The following CEL variants were observed in gnomAD, a reference collection of about 807,000 sequenced individuals.
CEL encodes the protein carboxyl ester lipase.
Under a neutral mutation model 57.1 loss-of-function variants are expected in CEL, and 39 were observed. That is an observed-to-expected ratio of 0.68 (90% CI 0.53 to 0.89). The LOEUF is 0.89. Ranked by LOEUF, CEL falls within the 40% of genes least tolerant of loss-of-function variation. The probability of loss-of-function intolerance (pLI) is 0.00; values close to 1 mark genes in which losing one functional copy is unlikely to be tolerated. For missense variants in CEL, 698 were observed against 915.0 expected (o/e 0.76, Z 3.06); for synonymous variants, 314 against 396.6 (o/e 0.79, Z 2.48).
chr9:133,071,266 C>A lies in CEL; in HGVS notation c.1764C>A (p.Ser588=). ...CCCCCGTGCCGCCCACGGGTGACTC[C>A]GGGGCCCCCCCCGTGCCGCCCACGG... ...ETAPVPPTGD[S]GAPPVPPTGD... Residue 588 remains serine, a synonymous_variant, in exon 11 of 11, where the codon TCC becomes TCA. Coordinates refer to ENST00000372080, the MANE Select transcript of CEL (RefSeq NM_001807.6). 1.3e-6 allele frequency: 2 copies of A among 1,521,998 alleles called. No individual in the cohort carries two copies. 94.3% of individuals were successfully genotyped at this position (1,521,998 alleles called of 1,614,324 possible).
Position 133,071,553 on chromosome 9 carries a change from C to T in CEL, c.2051C>T (p.Thr684Met), listed in dbSNP as rs1412692158. 6 of 893,716 alleles carry T rather than the reference C, an allele frequency of 6.7e-6. No individual in the cohort carries two copies. Among genetic ancestry groups the T allele is most frequent in the South Asian group, 2.9e-5 (2 of 69,522 alleles). 55.4% of individuals were successfully genotyped at this position (893,716 alleles called of 1,614,324 possible). A position where few individuals can be genotyped will look rare whatever the true frequency, so the allele number is the denominator to read the frequency against. ...GDAGPPPVPP[T>M]GDSGAPPVPP... is the part of the protein sequence containing the mutation. ...GCCGGGCCCCCCCCCGTGCCGCCCA[C>T]GGGTGACTCCGGCGCCCCCCCCGTG... Residue 684 changes from threonine (T) to methionine (M), a missense_variant, in exon 11 of 11, where the codon ACG (threonine) becomes ATG (methionine). Around this residue, in one of 6 missense-constraint regions of CEL, gnomAD observed 238 missense variants for 213.7 expected, o/e 1.11. Coordinates refer to ENST00000372080, the MANE Select transcript of CEL (RefSeq NM_001807.6).
Position 133,071,136 on chromosome 9 carries a change from C to T in CEL, c.1634C>T (p.Thr545Ile), listed in dbSNP as rs750991274. 2.5e-6 allele frequency: 4 copies of T among 1,608,992 alleles called. No homozygotes were observed. Among genetic ancestry groups the T allele is most frequent in the African/African-American group, 1.3e-5 (1 of 74,824 alleles). Residue 545 changes from threonine to isoleucine, a missense_variant, in exon 11 of 11, where the codon ACC becomes ATC. By Grantham distance (89) the Thr-to-Ile change is moderately conservative. Around this residue, in one of 6 missense-constraint regions of CEL, gnomAD observed 238 missense variants for 213.7 expected, o/e 1.11. Coordinates refer to ENST00000372080, the MANE Select transcript of CEL (RefSeq NM_001807.6). ...AACTTCCTGCGCTACTGGACCCTCA[C>T]CTATCTGGCGCTGCCCACAGTGACC... ...RTNFLRYWTL[T>I]YLALPTVTDQ...
chr9:133,067,751 C>T (rs1433178803), intron 7 of CEL, among the ~76,000 whole-genome samples: 3 of 152,158 alleles, frequency 2.0e-5, no homozygotes, highest in Non-Finnish European at 2.9e-5. Flanking sequence ...CCTCCCCCAC[C>T]TCATGCATTC....
intron 9 of CEL, among the ~76,000 whole-genome samples, chr9:133,070,071 G>A (rs1329489669): frequency 2.0e-5 from 3 of 151,818 alleles, no homozygotes; most frequent in East Asian, 3.9e-4. Flanking sequence ...TGAAAGCTTT[G>A]CAGCAACTAA....
intron 3 of CEL, 61 bp from the exon 4 acceptor site, chr9:133,064,979 G>T: frequency 1.9e-6 from 3 of 1,600,550 alleles, no homozygotes; most frequent in Non-Finnish European, 2.6e-6. Context: ...AGGGACAGGG[G>T]ACCGGCTGGA....
chr9:133,064,437 G>C lies in CEL; in HGVS notation c.100G>C (p.Glu34Gln), dbSNP rs1347158819. 4 of 1,614,038 alleles carry C rather than the reference G, an allele frequency of 2.5e-6. No homozygotes were observed. Among genetic ancestry groups the C allele is most frequent in the Non-Finnish European group, 3.4e-6 (4 of 1,180,036 alleles). ...CGTGTACACAGAAGGTGGGTTCGTG[G>C]AAGGCGTCAATAAGAAGCTCGGCCT... ...GAVYTEGGFV[E>Q]GVNKKLGLLG... Residue 34 changes from glutamate to glutamine, a missense_variant, in exon 2 of 11, where the codon GAA becomes CAA. By Grantham distance (29) the Glu-to-Gln change is conservative. Coordinates refer to ENST00000372080, the MANE Select transcript of CEL (RefSeq NM_001807.6).
chr9:133,064,898 C>T (rs1830150512), intron 3 of CEL, 136 bp downstream of exon 3: 2 of 1,537,718 alleles, frequency 1.3e-6, no homozygotes, highest in Admixed American at 3.6e-5. Context: ...GCGCCCACTG[C>T]CGTTGCCCAG....
chr9:133,067,210 G>A lies in CEL; in HGVS notation c.895+5G>A, dbSNP rs1332300339. ...TGCCGCTGGCAGGCCTGGAGTGTGAGTAGCTGCTCGGGTTGGCCCATGGGG... is the reference window on the plus strand; with the variant it reads ...TGCCGCTGGCAGGCCTGGAGTGTGAATAGCTGCTCGGGTTGGCCCATGGGG... On this transcript the variant is annotated splice_donor_5th_base_variant and intron_variant, in intron 7 of 10. Transcript: ENST00000372080. 6.2e-7 allele frequency: 1 copy of A among 1,613,034 alleles called. No homozygotes were observed. The highest frequency in any genetic ancestry group is 1.7e-5 in the Admixed American group (1 of 59,998).
chr9:133,064,357 C>T, intron 1 of CEL, 47 bp from the exon 2 acceptor site: 1 of 1,610,154 alleles, frequency 6.2e-7, no homozygotes, highest in African/African-American at 1.3e-5. Flanking sequence ...CGGATTCAGG[C>T]CGATGGGGCT....
chr9:133,064,309 G>T (rs1830138301), intron 1 of CEL, 95 bp from the exon 2 acceptor site: 1 of 1,552,842 alleles, frequency 6.4e-7, no homozygotes, highest in Non-Finnish European at 8.7e-7. Context: ...AGCTGTCTTT[G>T]CCTCTGGGCA....
chr9:133,066,508 C>G lies in CEL; in HGVS notation c.539-22C>G. ...GCCTGGGCCACTGGTCTCTAGCACC[C>G]CCTCCCCTGCCCTGCCCCCAGGTAA... On this transcript the variant is annotated intron_variant, in intron 4 of 10. Transcript: ENST00000372080. This position sits in a 1 kb window ranked among gnomAD's most constrained non-coding sequence, Gnocchi z 4.3. 1 of 1,613,764 alleles carries G rather than the reference C, an allele frequency of 6.2e-7. No individual in the cohort carries two copies. Among genetic ancestry groups the G allele is most frequent in the Non-Finnish European group, 8.5e-7 (1 of 1,179,986 alleles).
chr9:133,070,866 G>A, intron 10 of CEL, 121 bp from the exon 11 acceptor site: 1 of 1,299,904 alleles, frequency 7.7e-7, no homozygotes. Context: ...AGTATGCAGT[G>A]AGGGGCATGG....
chr9:133,065,134 T>C lies in CEL; in HGVS notation c.435T>C (p.Tyr145=), dbSNP rs1830155834. ...CCAACTTCCTCAACAACTACCTGTA[T>C]GACGGCGAGGAGATCGCCACACGCG... The part of the protein sequence containing the change: ...HGANFLNNYL[Y]DGEEIATRGN... The change falls in exon 4 of 11, where the codon TAT becomes TAC. Residue 145 remains tyrosine, a synonymous_variant. Transcript: ENST00000372080. 1.2e-6 allele frequency: 2 copies of C among 1,613,994 alleles called. No individual in the cohort carries two copies. The highest frequency in any genetic ancestry group is 1.6e-4 in the Middle Eastern group (1 of 6,062).
intron 1 of CEL, among the ~76,000 whole-genome samples, chr9:133,063,649 C>A (rs1216589471): frequency 2.6e-5 from 4 of 152,230 alleles, no homozygotes; most frequent in Non-Finnish European, 4.4e-5. Context: ...AACAGGGTGA[C>A]TTCAAGCCCA....
In CEL at chr9:133,065,168, A is replaced by G. The variant is rs1322292683; in HGVS notation, c.469A>G (p.Ile157Val). ...GGAGATCGCCACACGCGGAAACGTC[A>G]TCGTGGTCACCTTCAACTACCGTGT... ...GEEIATRGNV[I>V]VVTFNYRVGP... The change falls in exon 4 of 11, where the codon ATC becomes GTC. Residue 157 changes from isoleucine (I) to valine (V), a missense_variant. Physicochemically the swap from Ile to Val is conservative, Grantham distance 29 (BLOSUM62 3). Coordinates refer to ENST00000372080, the MANE Select transcript of CEL (RefSeq NM_001807.6). The G allele has an allele frequency of 6.2e-7, 1 of 1,613,754 alleles. No homozygotes were observed. Among genetic ancestry groups the G allele is most frequent in the Non-Finnish European group, 8.5e-7 (1 of 1,180,040 alleles).
In CEL at chr9:133,069,963, T is replaced by G. The variant is rs1353268755; in HGVS notation, c.1287-498T>G. Among the ~76,000 whole-genome samples the G allele has an allele frequency of 3.9e-5, 6 of 151,988 alleles. 1 individual carries two copies. Among genetic ancestry groups the G allele is most frequent in the African/African-American group, 1.5e-4 (6 of 41,308 alleles). On this transcript the variant is annotated intron_variant, in intron 9 of 10. Coordinates refer to ENST00000372080, the MANE Select transcript of CEL (RefSeq NM_001807.6). ...TCCAGCAGGGGCAACAGAGTGAGAC[T>G]GTGTCTCGAATAAATAAGTAAATAA...
In CEL at chr9:133,064,695, G is replaced by A. The variant is rs749493425; in HGVS notation, c.273G>A (p.Gln91=). The A allele has an allele frequency of 1.7e-5, 28 of 1,614,154 alleles. No individual in the cohort carries two copies. The South Asian group carries it at 3.0e-4, about 17-fold the overall frequency. ...KKRCLQATIT[Q]DSTYGDEDCL... ...GATGCCTGCAGGCCACCATCACCCA[G>A]GACAGCACCTACGGGGATGAAGACT... is the stretch of plus-strand genomic sequence containing the variant. The change falls in exon 3 of 11, where the codon CAG becomes CAA. Residue 91 remains glutamine, a synonymous_variant. Transcript: ENST00000372080.
chr9:133,062,546 A>G (rs1180355054), intron 1 of CEL, among the ~76,000 whole-genome samples: 2 of 140,160 alleles, frequency 1.4e-5, no homozygotes, highest in African/African-American at 2.9e-5. Context: ...GTGAGCTGAG[A>G]TCACGCTACT....
In CEL at chr9:133,071,069, A is replaced by G. The variant is rs1266557486; in HGVS notation, c.1567A>G (p.Lys523Glu). ...AAACAGCGGCTACCTGGAGATCACCAAGAAGATGGGCAGCAGCTCCATGAA... is the reference window on the plus strand; with the variant it reads ...AAACAGCGGCTACCTGGAGATCACCGAGAAGATGGGCAGCAGCTCCATGAA... ...TENSGYLEIT[K>E]KMGSSSMKRS... The change falls in exon 11 of 11, where the codon AAG (lysine) becomes GAG (glutamate). Residue 523 changes from lysine to glutamate, a missense_variant. Physicochemically the swap from Lys to Glu is moderately conservative, Grantham distance 56. Around this residue, in one of 6 missense-constraint regions of CEL, gnomAD observed 111 missense variants for 147.3 expected, o/e 0.75. Coordinates refer to ENST00000372080, the MANE Select transcript of CEL (RefSeq NM_001807.6). 5.0e-6 allele frequency: 8 copies of G among 1,612,704 alleles called. No homozygotes were observed. The highest frequency in any genetic ancestry group is 1.3e-5 in the African/African-American group (1 of 74,814).
Sources: allele counts gnomAD v4.1 joint callset (sites outside exome capture counted in the v4.1 genomes callset), GRCh38; gene constraint gnomAD v4.1.1; regional missense constraint gnomAD v4.1.1; non-coding constraint Gnocchi (gnomAD v3.1); transcripts MANE v1.5; gene names NCBI Gene and HGNC (gene_info 2026-07-23, HGNC 2026-07-21).